The following EML5 variants were observed in gnomAD, a reference collection of about 807,000 sequenced individuals.
The protein encoded by EML5 is echinoderm microtubule-associated protein-like 5.
EML5 carries 120 observed loss-of-function variants against 250.0 expected under a neutral mutation model. The ratio of observed to expected loss-of-function variants is 0.48; its 90% CI spans 0.41 to 0.56. EML5 has a LOEUF of 0.56. Among genes scored for constraint, EML5 ranks in the 20% least tolerant of loss-of-function variants. The pLI is 0.00. For missense variants in EML5, 2,006 were observed against 2,437.6 expected (o/e 0.82, Z 3.73); for synonymous variants, 771 against 806.5 (o/e 0.96, Z 0.75).
At chr14:88,669,133 C>T (rs1327633475) in intron 21 of EML5, among the ~76,000 whole-genome samples, 3 of 152,282 alleles carry the variant, frequency 2.0e-5, no homozygotes, top group East Asian at 1.9e-4. Flanking sequence ...CTATCCTGCC[C>T]GGGAAACCAC....
intron 1 of EML5, among the ~76,000 whole-genome samples, chr14:88,759,685 T>TAAAAAAAAAAA (rs58676323): frequency 2.6e-4 from 24 of 92,906 alleles, no homozygotes; most frequent in African/African-American, 1.2e-3. Context: ...CACCATCTCT[T>TAAAAAAAAAAA]AAAAAAAAAA....
At chr14:88,768,531 C>T (rs1296484564) in intron 1 of EML5, among the ~76,000 whole-genome samples, 1 of 152,074 alleles carries the variant, frequency 6.6e-6, no homozygotes, top group East Asian at 1.9e-4. Flanking sequence ...CTGCCTCAGC[C>T]TCCTGAGTAG....
intron 10 of EML5, among the ~76,000 whole-genome samples, chr14:88,707,018 T>TA (rs997033946): frequency 2.6e-5 from 4 of 152,050 alleles, no homozygotes; most frequent in African/African-American, 9.7e-5. Context: ...TCCAGATATT[T>TA]AAAAAAAATC....
At chr14:88,698,830 C>A (rs1343091417) in intron 14 of EML5, among the ~76,000 whole-genome samples, 2 of 152,188 alleles carry the variant, frequency 1.3e-5, no homozygotes, top group Non-Finnish European at 2.9e-5. Context: ...ATGACTAACA[C>A]TCACTGAGAA....
chr14:88,625,364 C>A, intron 35 of EML5: 1 of 451,086 alleles, frequency 2.2e-6, no homozygotes, highest in Non-Finnish European at 3.9e-6. Flanking sequence ...TTAGACAATT[C>A]TTCCCTTCCA....
Position 88,614,992 on chromosome 14 carries a change from ATTCT to A in EML5, c.*822_*825del, listed in dbSNP as rs939528154. On this transcript the variant is annotated 3_prime_UTR_variant, in exon 44 of 44. Transcript: ENST00000554922. ...TATATTAGACTACATTAAATATGCA[ATTCT>A]TTCTTCCAGTTAAATACTGTTGCTC... is the stretch of plus-strand genomic sequence containing the variant. The A allele has an allele frequency of 6.6e-6, 1 of 152,202 alleles. No individual in the cohort carries two copies. Among genetic ancestry groups the A allele is most frequent in the African/African-American group, 2.4e-5 (1 of 41,464 alleles). The allele number at this position is 152,202 out of a possible 1,614,324, so 9.4% of individuals were successfully genotyped here.
chr14:88,737,139 AGT>A (rs2093853424), intron 6 of EML5, among the ~76,000 whole-genome samples: 1 of 152,294 alleles, frequency 6.6e-6, no homozygotes, highest in East Asian at 1.9e-4. Flanking sequence ...CTCACCAAAC[AGT>A]GAGTACAGAC....
intron 7 of EML5, among the ~76,000 whole-genome samples, chr14:88,728,020 T>G (rs781601534): frequency 6.6e-6 from 1 of 152,216 alleles, no homozygotes; most frequent in Non-Finnish European, 1.5e-5. Flanking sequence ...TAAAACTGCT[T>G]AAAATCAAAA....
Position 88,613,350 on chromosome 14 carries a change from AT to A in EML5, c.*2467del, listed in dbSNP as rs1386956549. 6.6e-6 allele frequency: 1 copy of A among 152,160 alleles called. No homozygotes were observed. The highest frequency in any genetic ancestry group is 2.4e-5 in the African/African-American group (1 of 41,438). The allele number at this position is 152,160 out of a possible 1,614,324, so 9.4% of individuals were successfully genotyped here. ...GATGCTTTGCATCTCTGCAGAAGAA[AT>A]TTATTTTAAATTGTTTAAATATCTG... On this transcript the variant is annotated 3_prime_UTR_variant, in exon 44 of 44. Coordinates refer to ENST00000554922, the MANE Select transcript of EML5 (RefSeq NM_183387.3).
In EML5 at chr14:88,792,614, C is replaced by T; in HGVS notation, c.-111G>A. ...GGCTGCCGGGACTTCCCGCCAGCCGCGTCCTCTAAGCCGCGCCCGTCAGGT... is the reference window on the plus strand; with the variant it reads ...GGCTGCCGGGACTTCCCGCCAGCCGTGTCCTCTAAGCCGCGCCCGTCAGGT... On this transcript the variant is annotated 5_prime_UTR_variant, in exon 1 of 44. Transcript: ENST00000554922. The surrounding 1 kb of genome is among the most constrained non-coding windows in gnomAD (Gnocchi z 6.9). 8.5e-7 allele frequency: 1 copy of T among 1,177,004 alleles called. No individual in the cohort carries two copies. The highest frequency in any genetic ancestry group is 3.9e-5 in the East Asian group (1 of 25,782). The allele number at this position is 1,177,004 out of a possible 1,614,324, so 72.9% of individuals were successfully genotyped here.
chr14:88,783,204 TG>T, intron 1 of EML5, among the ~76,000 whole-genome samples: 1 of 152,294 alleles, frequency 6.6e-6, no homozygotes, highest in South Asian at 2.1e-4. Context: ...AAAGGAAATG[TG>T]GGGTTGGAGC....
intron 1 of EML5, among the ~76,000 whole-genome samples, chr14:88,783,135 G>C (rs2094514629): frequency 6.6e-6 from 1 of 152,304 alleles, no homozygotes; most frequent in East Asian, 1.9e-4. Flanking sequence ...TGGACGTCCA[G>C]GTAGAGGTAT....
intron 32 of EML5, among the ~76,000 whole-genome samples, chr14:88,637,092 TAAAC>T (rs1156691071): frequency 3.3e-5 from 5 of 152,330 alleles, no homozygotes; most frequent in South Asian, 2.1e-4. Flanking sequence ...TTGTGGGTAT[TAAAC>T]AAGCCTGACA....
At position 88,644,531 on chromosome 14, in the gene EML5, A is replaced by G; in HGVS notation, c.4029-20T>C. 1 of 1,612,124 alleles carries G rather than the reference A, an allele frequency of 6.2e-7. No individual in the cohort carries two copies. The highest frequency in any genetic ancestry group is 8.5e-7 in the Non-Finnish European group (1 of 1,178,542). On this transcript the variant is annotated intron_variant, in intron 29 of 43. Transcript: ENST00000554922. ...GGAGGCCTGCAACAGAGAAGTGGGGAGGAGGAAAGGCATGCAGCACTCAGT... is the reference window on the plus strand; with the variant it reads ...GGAGGCCTGCAACAGAGAAGTGGGGGGGAGGAAAGGCATGCAGCACTCAGT...
At chr14:88,710,752 A>C (rs1305587771) in intron 10 of EML5, among the ~76,000 whole-genome samples, 1 of 152,224 alleles carries the variant, frequency 6.6e-6, no homozygotes, top group Non-Finnish European at 1.5e-5. Flanking sequence ...AAAAGCTAAC[A>C]AATGGGAAAC....
intron 17 of EML5, among the ~76,000 whole-genome samples, chr14:88,690,330 G>A (rs778531126): frequency 6.6e-6 from 1 of 152,200 alleles, no homozygotes; most frequent in Non-Finnish European, 1.5e-5. Context: ...TCTGGATTGA[G>A]AATAGATACA....
rs767166237 is a variant in EML5, at chr14:88,712,392, C to A, written c.1536G>T (p.Trp512Cys). The A allele has an allele frequency of 1.1e-5, 18 of 1,613,574 alleles. No individual in the cohort carries two copies. In the South Asian group the frequency reaches 1.9e-4, roughly 17 times the overall value. Reference sequence around the variant, plus strand: ...TATCGTTGATATCTGAATACTTGGGCCAAATTCCATTTACTTCAAGGCCTG... The same window carrying A: ...TATCGTTGATATCTGAATACTTGGGACAAATTCCATTTACTTCAAGGCCTG... ...CVSGLEVNGI[W>C]PKYSDINDIN... Residue 512 changes from tryptophan to cysteine, a missense_variant, in exon 10 of 44, where the codon TGG (tryptophan) becomes TGT (cysteine). Physicochemically the swap from Trp to Cys is radical, Grantham distance 215. Around this residue, in one of 7 missense-constraint regions of EML5, gnomAD observed 1,375 missense variants for 1,590.3 expected, o/e 0.86. Coordinates refer to ENST00000554922, the MANE Select transcript of EML5 (RefSeq NM_183387.3).
rs1378452633 is a variant in EML5 at position 88,625,045 on chromosome 14, G to A, written c.4823C>T (p.Ala1608Val). The A allele has an allele frequency of 1.2e-6, 2 of 1,613,768 alleles. No homozygotes were observed. The highest frequency in any genetic ancestry group is 2.2e-5 in the East Asian group (1 of 44,866). Residue 1608 changes from alanine to valine, a missense_variant, in exon 36 of 44, where the codon GCT becomes GTT. Ala to Val is a moderately conservative substitution (Grantham distance 64, BLOSUM62 0). Coordinates refer to ENST00000554922, the MANE Select transcript of EML5 (RefSeq NM_183387.3). Reference sequence around the variant, plus strand: ...CATGGCAAACACAGGCCCGTTGTGAGCTCTCGCCACGATTCTACACAATAT... The same window carrying A: ...CATGGCAAACACAGGCCCGTTGTGAACTCTCGCCACGATTCTACACAATAT... ...DHILCRIVAR[A>V]HNGPVFAMYT...
chr14:88,654,042 C>T (rs2091760997), intron 27 of EML5, among the ~76,000 whole-genome samples: 2 of 151,982 alleles, frequency 1.3e-5, no homozygotes, highest in African/African-American at 4.8e-5. Context: ...AATTTATCCA[C>T]TTCTAGATTT....
Sources: allele counts gnomAD v4.1 joint callset (sites outside exome capture counted in the v4.1 genomes callset), GRCh38; gene constraint gnomAD v4.1.1; regional missense constraint gnomAD v4.1.1; non-coding constraint Gnocchi (gnomAD v3.1); transcripts MANE v1.5; gene names NCBI Gene and HGNC (gene_info 2026-07-23, HGNC 2026-07-21).